ENOX1: variants seen among roughly 807,000 people sequenced by gnomAD.
The protein encoded by ENOX1 is candidate growth-related and time keeping constitutive hydroquinone (NADH) oxidase.
ENOX1 carries 42 observed loss-of-function variants against 82.5 expected under a neutral mutation model. The observed-to-expected ratio is 0.51, with a 90% CI of 0.40 to 0.66. The LOEUF (loss-of-function observed/expected upper bound fraction) is 0.66, where lower values mean the gene tolerates loss of function less well. Among genes scored for constraint, ENOX1 ranks in the 30% least tolerant of loss-of-function variants. ENOX1 has a pLI of 0.00. For missense variants in ENOX1, 608 were observed against 811.6 expected, an observed-to-expected ratio of 0.75 and a Z score of 3.05; for synonymous variants, 271 against 282.2, an observed-to-expected ratio of 0.96 and a Z score of 0.40.
intron 12 of ENOX1, among the ~76,000 whole-genome samples, chr13:43,282,818 C>T (rs1471649616): frequency 6.6e-6 from 1 of 150,490 alleles, no homozygotes; most frequent in Admixed American, 6.6e-5. Context: ...ATTGGCCAGG[C>T]GCGGTGGCTT....
intron 12 of ENOX1, among the ~76,000 whole-genome samples, chr13:43,287,864 G>A (rs921368674): frequency 3.9e-5 from 6 of 152,182 alleles, no homozygotes; most frequent in African/African-American, 9.7e-5. Flanking sequence ...GCCCTGGGCC[G>A]AGAATTGGAG....
chr13:43,277,652 C>G (rs1444625), intron 12 of ENOX1, among the ~76,000 whole-genome samples: 25,210 of 152,084 alleles, frequency 0.17, 2,756 homozygotes, highest in East Asian at 0.6. Context: ...TGTCTCCCAG[C>G]GCAGGGGTGA....
chr13:43,531,428 G>T (rs1260701448), intron 2 of ENOX1, among the ~76,000 whole-genome samples: 3 of 151,048 alleles, frequency 2.0e-5, no homozygotes, highest in Non-Finnish European at 4.4e-5. Context: ...GAAACAACAG[G>T]TGCTGGAGAG....
intron 2 of ENOX1, among the ~76,000 whole-genome samples, chr13:43,646,782 C>T (rs1306920306): frequency 2.0e-5 from 3 of 152,176 alleles, no homozygotes; most frequent in Non-Finnish European, 2.9e-5. Flanking sequence ...ATCATACTCA[C>T]TTTCCCTTCT....
intron 3 of ENOX1, among the ~76,000 whole-genome samples, chr13:43,425,435 A>G (rs2055237593): frequency 1.3e-5 from 2 of 152,118 alleles, no homozygotes; most frequent in African/African-American, 4.8e-5. Context: ...CTCCACCCCT[A>G]CCGTCCCCCA....
At chr13:43,517,391 G>C (rs1484578367) in intron 2 of ENOX1, among the ~76,000 whole-genome samples, 1 of 152,100 alleles carries the variant, frequency 6.6e-6, no homozygotes, top group Non-Finnish European at 1.5e-5. Flanking sequence ...CCAGCTATTT[G>C]GGAAGCTGAG....
intron 3 of ENOX1, among the ~76,000 whole-genome samples, chr13:43,460,793 CAAAAAAAAAAAAAAAAA>C (rs1312983530): frequency 1.2e-4 from 3 of 25,726 alleles, no homozygotes; most frequent in Admixed American, 6.9e-4. Flanking sequence ...GACTCCATCT[CAAAAAAAAAAAAAAAAA>C]AAAAAAAAAA....
intron 12 of ENOX1, among the ~76,000 whole-genome samples, chr13:43,292,301 A>T (rs887836013): frequency 2.6e-5 from 4 of 152,220 alleles, no homozygotes; most frequent in African/African-American, 9.6e-5. Context: ...ATGATTACCA[A>T]GCAGAAACTT....
intron 5 of ENOX1, among the ~76,000 whole-genome samples, chr13:43,402,862 C>T (rs1479719821): frequency 6.6e-6 from 1 of 152,134 alleles, no homozygotes; most frequent in Non-Finnish European, 1.5e-5. Flanking sequence ...TTTCTACTCT[C>T]TGCTGAATTA....
At chr13:43,644,025 A>C (rs892343771) in intron 2 of ENOX1, among the ~76,000 whole-genome samples, 10 of 152,200 alleles carry the variant, frequency 6.6e-5, no homozygotes, top group African/African-American at 2.4e-4. Flanking sequence ...TGGAGAGATT[A>C]ATTTGGTAAA....
chr13:43,775,594 G>A (rs191974727), intron 1 of ENOX1, among the ~76,000 whole-genome samples: 1 of 152,324 alleles, frequency 6.6e-6, no homozygotes, highest in Non-Finnish European at 1.5e-5. Flanking sequence ...CCTGGCATCT[G>A]AGGATGGAGT....
intron 1 of ENOX1, among the ~76,000 whole-genome samples, chr13:43,777,153 T>C (rs2153837805): frequency 6.6e-6 from 1 of 152,356 alleles, no homozygotes; most frequent in African/African-American, 2.4e-5. Flanking sequence ...CCTTCTGGAA[T>C]AGCTGACTGA....
intron 5 of ENOX1, among the ~76,000 whole-genome samples, chr13:43,363,019 C>T (rs1006012214): frequency 6.6e-6 from 1 of 152,126 alleles, no homozygotes; most frequent in African/African-American, 2.4e-5. Context: ...ACAATTATGG[C>T]TCTCAGTTTC....
In ENOX1 at chr13:43,322,472, G is replaced by A; in HGVS notation, c.1173C>T (p.Leu391=). 6.2e-7 allele frequency: 1 copy of A among 1,613,964 alleles called. No individual in the cohort carries two copies. Among genetic ancestry groups the A allele is most frequent in the Admixed American group, 1.7e-5 (1 of 60,010 alleles). Residue 391 remains leucine, a synonymous_variant, in exon 11 of 17, where the codon CTC becomes CTT. Transcript: ENST00000690772. ...TTTCTTCTTCGCGGCGGATGCCCAT[G>A]AGCTGCTCACTTTGAGCATTCCGGA... ...EELRNAQSEQ[L]MGIRREEEME... is the part of the protein sequence containing the mutation.
At chr13:43,391,849 C>T (rs975463866) in intron 5 of ENOX1, among the ~76,000 whole-genome samples, 6 of 152,140 alleles carry the variant, frequency 3.9e-5, no homozygotes, top group Admixed American at 3.9e-4. Context: ...TCATAGAATC[C>T]CTCTGTTTCA....
At chr13:43,776,488 C>A (rs1468179449) in intron 1 of ENOX1, among the ~76,000 whole-genome samples, 1 of 152,102 alleles carries the variant, frequency 6.6e-6, no homozygotes, top group Non-Finnish European at 1.5e-5. Flanking sequence ...AAAAATCTCA[C>A]CAGATTTATA....
rs1952600388 is a variant in ENOX1, at chr13:43,786,174, G to C, written c.-285+478C>G. Among the ~76,000 whole-genome samples the C allele has an allele frequency of 6.6e-6, 1 of 152,200 alleles. No individual in the cohort carries two copies. The highest frequency in any genetic ancestry group is 2.4e-5 in the African/African-American group (1 of 41,452). On this transcript the variant is annotated intron_variant, in intron 1 of 16. Coordinates refer to ENST00000690772, the MANE Select transcript of ENOX1 (RefSeq NM_001347969.2). This position sits in a 1 kb window ranked among gnomAD's most constrained non-coding sequence, Gnocchi z 6.0. Reference sequence around the variant, plus strand: ...CAGAGCGGAGTCCGCCAAGGCTGGAGGAAAAGGGATGCAGAGCGGGAGGGT... The same window carrying C: ...CAGAGCGGAGTCCGCCAAGGCTGGACGAAAAGGGATGCAGAGCGGGAGGGT...
At chr13:43,377,591 T>A (rs964042818) in intron 5 of ENOX1, among the ~76,000 whole-genome samples, 1 of 152,184 alleles carries the variant, frequency 6.6e-6, no homozygotes, top group Non-Finnish European at 1.5e-5. Context: ...GGACTCCAGA[T>A]GAATTGTGGA....
At chr13:43,700,555 C>T (rs1240352154) in intron 1 of ENOX1, among the ~76,000 whole-genome samples, 1 of 152,000 alleles carries the variant, frequency 6.6e-6, no homozygotes, top group African/African-American at 2.4e-5. Context: ...AGCCAGCTTC[C>T]CCAGATGGTA....
Sources: allele counts gnomAD v4.1 joint callset (sites outside exome capture counted in the v4.1 genomes callset), GRCh38; gene constraint gnomAD v4.1.1; non-coding constraint Gnocchi (gnomAD v3.1); transcripts MANE v1.5; gene names NCBI Gene and HGNC (gene_info 2026-07-23, HGNC 2026-07-21).